Variants in CASR observed in about 807,000 individuals in gnomAD.
CASR encodes calcium sensing receptor.
In CASR, 23 loss-of-function variants were observed where a neutral mutation model predicts 69.1. The observed-to-expected ratio is 0.33, with a 90% CI of 0.24 to 0.47. The LOEUF is 0.47. Among genes scored for constraint, CASR ranks in the 20% least tolerant of loss-of-function variants. The pLI is 1.00. For synonymous variants in CASR, 541 were observed against 544.7 expected, an observed-to-expected ratio of 0.99 and a Z score of 0.10; for missense variants, 924 against 1,356.1, an observed-to-expected ratio of 0.68 and a Z score of 5.00.
At chr3:122,231,725 T>C (rs1482275079) in intron 1 of CASR, among the ~76,000 whole-genome samples, 1 of 148,340 alleles carries the variant, frequency 6.7e-6, no homozygotes, top group African/African-American at 2.5e-5. Flanking sequence ...TTCATCAGCA[T>C]CTCAAAGACA....
intron 1 of CASR, among the ~76,000 whole-genome samples, chr3:122,206,680 A>G (rs757256571): frequency 1.8e-4 from 27 of 152,060 alleles, no homozygotes; most frequent in Non-Finnish European, 2.6e-4. Flanking sequence ...CATTTGATGG[A>G]ATTCATCAGT....
chr3:122,227,517 G>A (rs182692693), intron 1 of CASR, among the ~76,000 whole-genome samples: 17 of 152,300 alleles, frequency 1.1e-4, no homozygotes, highest in African/African-American at 2.9e-4. Context: ...GTGCTGGCCC[G>A]CAAGCACCGT....
In CASR at chr3:122,284,654, C is replaced by T; in HGVS notation, c.2700C>T (p.Ser900=). 6.2e-7 allele frequency: 1 copy of T among 1,613,936 alleles called. No individual in the cohort carries two copies. Among genetic ancestry groups the T allele is most frequent in the Non-Finnish European group, 8.5e-7 (1 of 1,179,882 alleles). Residue 900 remains serine (S), a synonymous_variant, in exon 7 of 7, where the codon AGC becomes AGT. Coordinates refer to ENST00000639785, the MANE Select transcript of CASR (RefSeq NM_000388.4). ...RRSNVSRKRS[S]SLGGSTGSTP... ...GCAACGTCTCCCGCAAGCGGTCCAG[C>T]AGCCTTGGAGGCTCCACGGGATCCA...
At chr3:122,270,874 A>G (rs932733022) in intron 4 of CASR, among the ~76,000 whole-genome samples, 1 of 152,134 alleles carries the variant, frequency 6.6e-6, no homozygotes, top group Non-Finnish European at 1.5e-5. Flanking sequence ...GTTTGATTTT[A>G]ATATTTTTAA....
chr3:122,185,698 A>T (rs1279317680), intron 1 of CASR, among the ~76,000 whole-genome samples: 1 of 151,382 alleles, frequency 6.6e-6, no homozygotes, highest in East Asian at 1.9e-4. Flanking sequence ...TCCCATCTCC[A>T]CTCCAGGATT....
intron 1 of CASR, among the ~76,000 whole-genome samples, chr3:122,220,374 A>G (rs949503225): frequency 1.3e-5 from 2 of 152,230 alleles, no homozygotes; most frequent in African/African-American, 4.8e-5. Context: ...AGAGCCAGTG[A>G]TATGTCTGAG....
At chr3:122,271,926 G>C (rs765094521) in intron 4 of CASR, among the ~76,000 whole-genome samples, 34 of 152,040 alleles carry the variant, frequency 2.2e-4, no homozygotes, top group Non-Finnish European at 4.4e-5. Flanking sequence ...CCTTTTTACA[G>C]CCAAATAGTA....
At chr3:122,239,312 C>T (rs1405376756) in intron 1 of CASR, among the ~76,000 whole-genome samples, 1 of 152,154 alleles carries the variant, frequency 6.6e-6, no homozygotes, top group Non-Finnish European at 1.5e-5. Flanking sequence ...GTGGTGGCCA[C>T]CAGGAGGGGC....
chr3:122,220,454 G>A (rs2074159004), intron 1 of CASR, among the ~76,000 whole-genome samples: 1 of 152,158 alleles, frequency 6.6e-6, no homozygotes, highest in Non-Finnish European at 1.5e-5. Flanking sequence ...GAAATACAGA[G>A]CAACATCTCT....
intron 1 of CASR, among the ~76,000 whole-genome samples, chr3:122,205,881 G>C (rs1199679437): frequency 6.6e-6 from 1 of 151,792 alleles, no homozygotes; most frequent in African/African-American, 2.4e-5. Context: ...TTCACTGGTG[G>C]TGTATATAAA....
At chr3:122,220,096 T>C (rs1343913845) in intron 1 of CASR, among the ~76,000 whole-genome samples, 2 of 152,190 alleles carry the variant, frequency 1.3e-5, no homozygotes. Context: ...TAATGGTACA[T>C]TAGGGCATGT....
chr3:122,272,125 AC>A (rs1018690448), intron 4 of CASR, among the ~76,000 whole-genome samples: 4 of 148,222 alleles, frequency 2.7e-5, no homozygotes, highest in African/African-American at 1.0e-4. Flanking sequence ...ACACACACAC[AC>A]GAGTAGGATT....
chr3:122,265,304 CA>C (rs923188218), intron 4 of CASR, among the ~76,000 whole-genome samples: 15 of 151,892 alleles, frequency 9.9e-5, no homozygotes, highest in Admixed American at 5.2e-4. Flanking sequence ...TCTTTCTCCC[CA>C]AAAAAATATT....
At chr3:122,259,488 A>G (rs1576856216) in intron 3 of CASR, among the ~76,000 whole-genome samples, 1 of 152,318 alleles carries the variant, frequency 6.6e-6, no homozygotes, top group South Asian at 2.1e-4. Flanking sequence ...ATTTTATACT[A>G]TAACTTCTAA....
At chr3:122,226,182 G>A (rs538874467) in intron 1 of CASR, among the ~76,000 whole-genome samples, 24 of 152,156 alleles carry the variant, frequency 1.6e-4, no homozygotes, top group Non-Finnish European at 1.9e-4. Flanking sequence ...TCTTAAAGCC[G>A]GCGTGTCTGG....
chr3:122,203,421 G>T (rs1298719191), intron 1 of CASR, among the ~76,000 whole-genome samples: 1 of 152,126 alleles, frequency 6.6e-6, no homozygotes, highest in African/African-American at 2.4e-5. Flanking sequence ...AGCTATATGG[G>T]TATAGCCAAT....
intron 1 of CASR, among the ~76,000 whole-genome samples, chr3:122,187,650 TAACGC>T (rs2073799260): frequency 6.6e-6 from 1 of 152,164 alleles, no homozygotes; most frequent in Non-Finnish European, 1.5e-5. Flanking sequence ...TTGGAGGAGG[TAACGC>T]TTGAGTTGAA....
At position 122,289,508 on chromosome 3, in the gene CASR, T is replaced by A. The variant is rs2074993782; in HGVS notation, c.*4317T>A. On this transcript the variant is annotated 3_prime_UTR_variant, in exon 7 of 7. Coordinates refer to ENST00000639785, the MANE Select transcript of CASR (RefSeq NM_000388.4). ...CAGGAATAAAGGTGCATTCCAAGGA[T>A]CCAAAGAAGAACCTTAGCCTTGAGA... 3 of 152,176 alleles carry A rather than the reference T, an allele frequency of 2.0e-5. No individual in the cohort carries two copies. The South Asian group carries it at 6.2e-4, about 32-fold the overall frequency. 9.4% of individuals were successfully genotyped at this position (152,176 alleles called of 1,614,324 possible). A position where few individuals can be genotyped will look rare whatever the true frequency, so the allele number is the denominator to read the frequency against.
intron 1 of CASR, among the ~76,000 whole-genome samples, chr3:122,235,756 C>T (rs2074323657): frequency 6.6e-6 from 1 of 152,194 alleles, no homozygotes; most frequent in Admixed American, 6.5e-5. Flanking sequence ...GATCATGGCA[C>T]TGCACTCCAA....
Sources: gnomAD v4.1 joint callset for allele counts (sites outside exome capture counted in the v4.1 genomes callset) on GRCh38, gnomAD v4.1.1 for gene constraint, MANE v1.5 for transcripts, NCBI Gene and HGNC (gene_info 2026-07-23, HGNC 2026-07-21) for gene names.